The following MTRR variants were observed in gnomAD, a reference collection of about 807,000 sequenced individuals.
The protein encoded by MTRR is 5-methyltetrahydrofolate-homocysteine methyltransferase reductase.
In MTRR, 63 loss-of-function variants were observed where a neutral mutation model predicts 79.2. The observed-to-expected ratio is 0.80, with a 90% confidence interval of 0.65 to 0.98. The LOEUF is 0.98. Among genes scored for constraint, MTRR ranks in the 50% least tolerant of loss-of-function variants. The pLI is 0.00. For missense variants in MTRR, 895 were observed against 839.6 expected, an observed-to-expected ratio of 1.07 and a Z score of -0.82; for synonymous variants, 355 against 313.3, an observed-to-expected ratio of 1.13 and a Z score of -1.41.
At chr5:7,886,954 T>C (rs944882381) in intron 8 of MTRR, among the ~76,000 whole-genome samples, 2 of 152,212 alleles carry the variant, frequency 1.3e-5, no homozygotes, top group African/African-American at 4.8e-5. Flanking sequence ...TTTTTCTTAG[T>C]CTAAATAGGG....
intron 5 of MTRR, among the ~76,000 whole-genome samples, chr5:7,878,607 A>C (rs556286895): frequency 6.6e-6 from 1 of 152,238 alleles, no homozygotes; most frequent in African/African-American, 2.4e-5. Context: ...AAGTTTTCCC[A>C]CCCAGGTATT....
Position 7,883,218 on chromosome 5 carries a change from G to A in MTRR, c.844G>A (p.Val282Ile). Reference protein sequence around the residue: ...PVFQVPISKAVQLTTNDAIKT... With the variant: ...PVFQVPISKAIQLTTNDAIKT... Reference sequence around the variant, plus strand: ...TTTTCAAGTGCCAATTTCAAAGGCAGTTCAACTTACTACGAATGATGCCAT... The same window carrying A: ...TTTTCAAGTGCCAATTTCAAAGGCAATTCAACTTACTACGAATGATGCCAT... The change falls in exon 6 of 15, where the codon GTT becomes ATT. Residue 282 changes from valine to isoleucine, a missense_variant. Val to Ile is a conservative substitution (Grantham distance 29). Transcript: ENST00000440940. 6.2e-7 allele frequency: 1 copy of A among 1,614,214 alleles called. No individual in the cohort carries two copies. Among genetic ancestry groups the A allele is most frequent in the South Asian group, 1.1e-5 (1 of 91,084 alleles).
At chr5:7,880,222 T>G (rs1288731646) in intron 5 of MTRR, among the ~76,000 whole-genome samples, 3 of 152,132 alleles carry the variant, frequency 2.0e-5, no homozygotes, top group Non-Finnish European at 1.5e-5. Flanking sequence ...CCTGATAGAG[T>G]AGGCTAGTGT....
At chr5:7,875,681 G>A (rs1734423541) in intron 4 of MTRR, among the ~76,000 whole-genome samples, 1 of 152,110 alleles carries the variant, frequency 6.6e-6, no homozygotes, top group Non-Finnish European at 1.5e-5. Context: ...TGTTCTTTAG[G>A]AACTTTAATC....
At chr5:7,889,061 T>A (rs1737102052) in intron 8 of MTRR, 34 bp from the exon 9 acceptor site, 1 of 1,613,264 alleles carries the variant, frequency 6.2e-7, no homozygotes, top group East Asian at 2.2e-5. Context: ...ACCCACAAAT[T>A]GTGTCACAAT....
intron 1 of MTRR, among the ~76,000 whole-genome samples, chr5:7,859,997 C>A (rs996053576): frequency 6.6e-6 from 1 of 152,042 alleles, no homozygotes; most frequent in African/African-American, 2.4e-5. Context: ...AGGGAGAGAG[C>A]AGGAGGCGCA....
At chr5:7,865,469 AAACTC>A (rs1231666742), upstream of MTRR, among the ~76,000 whole-genome samples, 2 of 152,168 alleles carry the variant, frequency 1.3e-5, no homozygotes, top group Non-Finnish European at 2.9e-5. Context: ...TAGATAAACT[AAACTC>A]TATTAGATAA....
chr5:7,862,287 A>G (rs1189912681), intron 2 of MTRR, among the ~76,000 whole-genome samples: 2 of 152,124 alleles, frequency 1.3e-5, no homozygotes, highest in African/African-American at 4.8e-5. Flanking sequence ...TGTCCAGGAG[A>G]AATTTCTGTG....
At chr5:7,865,855 GCACC>G (rs1403224065), upstream of MTRR, 15 of 1,428,474 alleles carry the variant, frequency 1.1e-5, no homozygotes, top group Non-Finnish European at 1.5e-5. Flanking sequence ...AAAGGAAACT[GCACC>G]CATGGGGAAA....
At chr5:7,861,308 C>A in intron 1 of MTRR, 1 of 1,118,444 alleles carries the variant, frequency 8.9e-7, no homozygotes, top group Non-Finnish European at 1.3e-6. Context: ...TTTAAATAAT[C>A]CAAAATATTT....
chr5:7,858,137 T>C (rs1229185965), intron 1 of MTRR, among the ~76,000 whole-genome samples: 1 of 151,822 alleles, frequency 6.6e-6, no homozygotes, highest in Non-Finnish European at 1.5e-5. Context: ...TACAGCACAG[T>C]GAGGGTGGAC....
chr5:7,897,094 G>T lies in MTRR; in HGVS notation c.1799G>T (p.Gly600Val). 6.2e-7 allele frequency: 1 copy of T among 1,613,968 alleles called. No individual in the cohort carries two copies. The highest frequency in any genetic ancestry group is 8.5e-7 in the Non-Finnish European group (1 of 1,179,996). ...GAGCTCAGACATTTCCTTAAGCATG[G>T]GATCTTAACTCATCTAAAGGTTTCC... is the stretch of plus-strand genomic sequence containing the variant. The part of the protein sequence containing the change: ...RKELRHFLKH[G>V]ILTHLKVSFS... Residue 600 changes from glycine (G) to valine (V), a missense_variant, in exon 14 of 15, where the codon GGG (glycine) becomes GTG (valine). Coordinates refer to ENST00000440940, the MANE Select transcript of MTRR (RefSeq NM_002454.3).
chr5:7,859,229 AT>A (rs1746362806), intron 1 of MTRR: 1 of 345,216 alleles, frequency 2.9e-6, no homozygotes, highest in African/African-American at 2.1e-5. Flanking sequence ...TACAAAAAGT[AT>A]CTATGACACT....
At chr5:7,867,262 T>G (rs761614043), upstream of MTRR, 13 of 1,613,940 alleles carry the variant, frequency 8.1e-6, no homozygotes, top group African/African-American at 1.3e-4. Context: ...TTAAAAATGT[T>G]TGGTGTTCAT....
chr5:7,870,729 T>G lies in MTRR; in HGVS notation c.-25-41T>G, dbSNP rs1279332162. On this transcript the variant is annotated intron_variant, in intron 1 of 14. Transcript: ENST00000440940. Reference sequence around the variant, plus strand: ...AGAATTAATATCTTTAGGTTGTTACTGCTTCATTAAAAAGAGGATCTTTTT... The same window carrying G: ...AGAATTAATATCTTTAGGTTGTTACGGCTTCATTAAAAAGAGGATCTTTTT... The G allele has an allele frequency of 1.9e-6, 3 of 1,604,768 alleles. No individual in the cohort carries two copies. The Admixed American group carries it at 5.0e-5, about 27-fold the overall frequency.
intron 8 of MTRR, among the ~76,000 whole-genome samples, chr5:7,888,504 A>G (rs1026035594): frequency 6.6e-5 from 10 of 152,316 alleles, no homozygotes; most frequent in Admixed American, 1.3e-4. Flanking sequence ...TTTTTGGTCA[A>G]TGCTGAGTTT....
chr5:7,858,420 A>G (rs1561086695), intron 1 of MTRR, among the ~76,000 whole-genome samples: 3 of 141,618 alleles, frequency 2.1e-5, no homozygotes, highest in Non-Finnish European at 3.0e-5. Flanking sequence ...CGGATACATC[A>G]GAATCTACCG....
intron 8 of MTRR, among the ~76,000 whole-genome samples, chr5:7,887,031 T>C (rs1375073354): frequency 6.6e-6 from 1 of 152,236 alleles, no homozygotes; most frequent in Non-Finnish European, 1.5e-5. Context: ...TGGAGGTGAC[T>C]GCAGTTGACC....
In MTRR at chr5:7,900,202, T is replaced by G. The variant is rs1739260836; in HGVS notation, c.*144T>G. 1 of 884,768 alleles carries G rather than the reference T, an allele frequency of 1.1e-6. No homozygotes were observed. Among genetic ancestry groups the G allele is most frequent in the Non-Finnish European group, 1.7e-6 (1 of 583,494 alleles). The allele number at this position is 884,768 out of a possible 1,614,324, so 54.8% of individuals were successfully genotyped here. ...GACATGGAGTGGAGATTGGATCATT[T>G]AACAATATAACAAAACTTCCTGATT... On this transcript the variant is annotated 3_prime_UTR_variant, in exon 15 of 15. Coordinates refer to ENST00000440940, the MANE Select transcript of MTRR (RefSeq NM_002454.3).
Sources: gnomAD v4.1 joint callset for allele counts (sites outside exome capture counted in the v4.1 genomes callset) on GRCh38, gnomAD v4.1.1 for gene constraint, MANE v1.5 for transcripts, NCBI Gene and HGNC (gene_info 2026-07-23, HGNC 2026-07-21) for gene names.